Variants in DYRK4 observed in about 807,000 individuals in gnomAD.
DYRK4 encodes the protein dual specificity tyrosine phosphorylation regulated kinase 4.
DYRK4 carries 64 observed loss-of-function variants against 68.3 expected under a neutral mutation model. The ratio of observed to expected loss-of-function variants is 0.94; its 90% CI spans 0.77 to 1.15. The LOEUF (loss-of-function observed/expected upper bound fraction) is 1.15, where lower values mean the gene tolerates loss of function less well. Ranked by LOEUF, DYRK4 falls within the 50% of genes most tolerant of loss-of-function variation. The pLI is 0.00. For synonymous variants in DYRK4, 274 were observed against 289.9 expected, an observed-to-expected ratio of 0.95 and a Z score of 0.56; for missense variants, 740 against 764.7, an observed-to-expected ratio of 0.97 and a Z score of 0.38.
At chr12:4,596,087 A>G (rs1945014394) in intron 6 of DYRK4, 62 bp from the exon 7 acceptor site, 1 of 1,572,424 alleles carries the variant, frequency 6.4e-7, no homozygotes, top group Non-Finnish European at 8.7e-7. Flanking sequence ...TGCCAGGGCC[A>G]TGTACCAGGA....
chr12:4,601,696 A>T (rs1234021736), intron 10 of DYRK4, among the ~76,000 whole-genome samples: 1 of 152,212 alleles, frequency 6.6e-6, no homozygotes, highest in Admixed American at 6.5e-5. Flanking sequence ...TTGAATTTTC[A>T]ACTTTTACTT....
At chr12:4,604,849 G>T in intron 10 of DYRK4, 65 bp from the exon 11 acceptor site, 1 of 1,490,702 alleles carries the variant, frequency 6.7e-7, no homozygotes, top group Non-Finnish European at 9.0e-7. Flanking sequence ...AAGTTGTCCT[G>T]GGGGAGAGCG....
intron 10 of DYRK4, chr12:4,602,162 T>C: frequency 2.9e-6 from 2 of 688,180 alleles, no homozygotes; most frequent in Non-Finnish European, 5.4e-6. Flanking sequence ...CATATCTGTA[T>C]GAACTTATTT....
chr12:4,598,932 G>A, intron 8 of DYRK4, 96 bp from the exon 9 acceptor site: 1 of 1,436,962 alleles, frequency 7.0e-7, no homozygotes, highest in Non-Finnish European at 9.6e-7. Flanking sequence ...CCTGCTACTA[G>A]ACGGAAACCA....
At chr12:4,596,481 A>G in intron 7 of DYRK4, 108 bp from the exon 8 acceptor site, 1 of 1,513,130 alleles carries the variant, frequency 6.6e-7, no homozygotes, top group Admixed American at 2.2e-5. Context: ...TCCTGCCACT[A>G]GACAGTCTTG....
chr12:4,562,286 A>G lies in DYRK4; in HGVS notation c.38+3A>G, dbSNP rs1944633978. On this transcript the variant is annotated splice_donor_region_variant and intron_variant, in intron 1 of 14. Transcript: ENST00000543431. ...CCGCCTATCCGCACCGGAACAAAGT[A>G]AGGGCCGCGGAGGCTCGTACTTCAC... 1.3e-6 allele frequency: 2 copies of G among 1,531,896 alleles called. No individual in the cohort carries two copies. Among genetic ancestry groups the G allele is most frequent in the Admixed American group, 2.0e-5 (1 of 50,572 alleles). The allele number at this position is 1,531,896 out of a possible 1,614,324, so 94.9% of individuals were successfully genotyped here.
intron 2 of DYRK4, among the ~76,000 whole-genome samples, chr12:4,585,172 C>T (rs1449105967): frequency 1.3e-5 from 2 of 152,170 alleles, no homozygotes; most frequent in Admixed American, 1.3e-4. Flanking sequence ...AAGTGTGGGC[C>T]TACGTGTGAA....
At position 4,591,325 on chromosome 12, in the gene DYRK4, G is replaced by T. The variant is rs1239094715; in HGVS notation, c.463+27G>T. 1 of 1,611,228 alleles carries T rather than the reference G, an allele frequency of 6.2e-7. No individual in the cohort carries two copies. Among genetic ancestry groups the T allele is most frequent in the Admixed American group, 1.7e-5 (1 of 59,620 alleles). On this transcript the variant is annotated intron_variant, in intron 5 of 14. Coordinates refer to ENST00000543431, the MANE Select transcript of DYRK4 (RefSeq NM_001394779.1). The surrounding 1 kb of genome is among the most constrained non-coding windows in gnomAD (Gnocchi z 4.1). ...TATGCCTTTGGGGCAGTAGCAGGGT[G>T]GGGAGGTGCTTATGGAAGGTCGGGG...
chr12:4,574,021 G>T (rs1003225410), intron 2 of DYRK4, among the ~76,000 whole-genome samples: 3 of 151,826 alleles, frequency 2.0e-5, no homozygotes, highest in Non-Finnish European at 4.4e-5. Context: ...GTCAGGAGAT[G>T]GAGACCATCC....
chr12:4,591,184 C>T lies in DYRK4; in HGVS notation c.349C>T (p.Pro117Ser), dbSNP rs1944950144. ...YQENQAHNQM[P>S]ASELKASEIP... ...GGAGAATCAAGCTCACAATCAGATG[C>T]CGGCCTCAGAGCTCAAGGCTTCAGA... Residue 117 changes from proline to serine, a missense_variant, in exon 5 of 15, where the codon CCG becomes TCG. Physicochemically the swap from Pro to Ser is moderately conservative, Grantham distance 74. Coordinates refer to ENST00000543431, the MANE Select transcript of DYRK4 (RefSeq NM_001394779.1). This position sits in a 1 kb window ranked among gnomAD's most constrained non-coding sequence, Gnocchi z 4.1. The T allele has an allele frequency of 6.2e-7, 1 of 1,614,026 alleles. No homozygotes were observed. Among genetic ancestry groups the T allele is most frequent in the Non-Finnish European group, 8.5e-7 (1 of 1,179,988 alleles).
intron 2 of DYRK4, among the ~76,000 whole-genome samples, chr12:4,581,211 G>A (rs1424783634): frequency 1.3e-5 from 2 of 152,088 alleles, no homozygotes; most frequent in Non-Finnish European, 2.9e-5. Flanking sequence ...CAGAATAGAG[G>A]GGAAGGCAGA....
chr12:4,607,259 G>C, intron 11 of DYRK4, 68 bp from the exon 12 acceptor site: 2 of 1,590,720 alleles, frequency 1.3e-6, no homozygotes, highest in Non-Finnish European at 1.7e-6. Context: ...GCCAAAGTAC[G>C]CTCCACCCCT....
intron 2 of DYRK4, chr12:4,572,742 G>A (rs1944745515): frequency 6.6e-6 from 1 of 152,666 alleles, no homozygotes. Flanking sequence ...TGATTGCAGG[G>A]GTATTAAGGG....
chr12:4,600,567 G>A (rs1397727272), intron 10 of DYRK4, among the ~76,000 whole-genome samples: 1 of 149,230 alleles, frequency 6.7e-6, no homozygotes, highest in African/African-American at 2.5e-5. Flanking sequence ...GGCTGAAGAC[G>A]GGACTACTAG....
chr12:4,599,535 G>A, intron 9 of DYRK4, 172 bp from the exon 10 acceptor site: 1 of 590,194 alleles, frequency 1.7e-6, no homozygotes, highest in Non-Finnish European at 3.0e-6. Context: ...CCGACCACAA[G>A]TCAAATGGAA....
chr12:4,577,955 A>G (rs1300102827), intron 2 of DYRK4, among the ~76,000 whole-genome samples: 1 of 152,212 alleles, frequency 6.6e-6, no homozygotes, highest in East Asian at 1.9e-4. Flanking sequence ...ATAAGAGAGC[A>G]ATTGACTTTT....
intron 11 of DYRK4, 84 bp downstream of exon 11, chr12:4,605,170 C>G: frequency 7.9e-7 from 1 of 1,258,000 alleles, no homozygotes; most frequent in Non-Finnish European, 1.1e-6. Flanking sequence ...TCGCCCAGGA[C>G]CATGGCCTGC....
intron 11 of DYRK4, 130 bp from the exon 12 acceptor site, chr12:4,607,197 C>A: frequency 1.0e-6 from 1 of 983,514 alleles, no homozygotes; most frequent in Non-Finnish European, 1.6e-6. Flanking sequence ...TGCTACTGAC[C>A]AGATGTTATT....
intron 10 of DYRK4, among the ~76,000 whole-genome samples, chr12:4,603,704 C>T (rs532375838): frequency 6.6e-6 from 1 of 152,222 alleles, no homozygotes; most frequent in African/African-American, 2.4e-5. Flanking sequence ...ACCTTTGTGT[C>T]TTTATGTATG....
Sources: gnomAD v4.1 joint callset for allele counts (sites outside exome capture counted in the v4.1 genomes callset) on GRCh38, gnomAD v4.1.1 for gene constraint, Gnocchi (gnomAD v3.1) non-coding constraint, MANE v1.5 for transcripts, NCBI Gene and HGNC (gene_info 2026-07-23, HGNC 2026-07-21) for gene names.